Variants in ELOVL7 observed in about 807,000 individuals in gnomAD.
The protein encoded by ELOVL7 is very long chain fatty acid elongase 7.
A neutral mutation model predicts 35.7 loss-of-function variants in ELOVL7; 27 were observed. That is an observed-to-expected ratio of 0.76 (90% confidence interval 0.56 to 1.04). The LOEUF is 1.04. Ranked by LOEUF, ELOVL7 falls within the 50% of genes least tolerant of loss-of-function variation. The pLI is 0.00. For missense variants in ELOVL7, 327 were observed against 340.8 expected (o/e 0.96, Z 0.32); for synonymous variants, 113 against 114.6 (o/e 0.99, Z 0.09).
chr5:60,839,044 A>T (rs189373759), intron 1 of ELOVL7, among the ~76,000 whole-genome samples: 2,002 of 150,656 alleles, frequency 0.013, 20 homozygotes, highest in Non-Finnish European at 0.022. Flanking sequence ...ATATATATAT[A>T]TATTTATGAT....
intron 3 of ELOVL7, among the ~76,000 whole-genome samples, chr5:60,774,275 G>A (rs529723364): frequency 1.7e-4 from 26 of 152,116 alleles, no homozygotes; most frequent in African/African-American, 6.0e-4. Context: ...GTGAATCCAG[G>A]AACACATCAA....
intron 8 of ELOVL7, among the ~76,000 whole-genome samples, chr5:60,757,098 A>AAATGTTG (rs2112119860): frequency 6.6e-6 from 1 of 152,160 alleles, no homozygotes; most frequent in South Asian, 2.1e-4. Context: ...ATGGACTTAT[A>AAATGTTG]AATGTTGGGA....
intron 1 of ELOVL7, among the ~76,000 whole-genome samples, chr5:60,829,168 C>CA (rs35061839): frequency 0.2 from 30,088 of 149,858 alleles, 3,506 homozygotes; most frequent in Non-Finnish European, 0.27. Flanking sequence ...TTAGAGCTTT[C>CA]AAAAAAAAAG....
At chr5:60,760,100 C>T (rs951448654) in intron 7 of ELOVL7, among the ~76,000 whole-genome samples, 18 of 152,292 alleles carry the variant, frequency 1.2e-4, no homozygotes, top group African/African-American at 2.9e-4. Context: ...AATAAACATA[C>T]GTGTGCATGT....
chr5:60,813,541 C>T (rs1251644947), intron 1 of ELOVL7, among the ~76,000 whole-genome samples: 2 of 152,074 alleles, frequency 1.3e-5, no homozygotes, highest in African/African-American at 4.8e-5. Context: ...TACTGCCCTC[C>T]AATGTAAAAA....
intron 1 of ELOVL7, among the ~76,000 whole-genome samples, chr5:60,824,640 T>A (rs1746068742): frequency 6.6e-6 from 1 of 152,222 alleles, no homozygotes; most frequent in South Asian, 2.1e-4. Flanking sequence ...CATGAACAAA[T>A]CCTATCTTCT....
intron 6 of ELOVL7, among the ~76,000 whole-genome samples, chr5:60,765,792 C>G (rs1261122912): frequency 1.3e-5 from 2 of 152,158 alleles, no homozygotes; most frequent in Non-Finnish European, 2.9e-5. Context: ...AAAGGTGAAG[C>G]ATATTGAGAT....
chr5:60,792,405 G>A (rs1743993176), intron 2 of ELOVL7, among the ~76,000 whole-genome samples: 1 of 152,190 alleles, frequency 6.6e-6, no homozygotes, highest in African/African-American at 2.4e-5. Context: ...GAGAGTGATG[G>A]ACTGGATGCC....
At chr5:60,767,195 A>G (rs1422705970) in intron 5 of ELOVL7, among the ~76,000 whole-genome samples, 1 of 152,060 alleles carries the variant, frequency 6.6e-6, no homozygotes, top group Non-Finnish European at 1.5e-5. Flanking sequence ...TCTGGGTTCA[A>G]GCGATTTTCC....
At chr5:60,760,676 G>A (rs1360226091) in intron 7 of ELOVL7, among the ~76,000 whole-genome samples, 1 of 152,112 alleles carries the variant, frequency 6.6e-6, no homozygotes, top group Non-Finnish European at 1.5e-5. Context: ...GGCTTTTGTT[G>A]CCATTGCTTT....
chr5:60,832,717 A>C (rs544121726), intron 1 of ELOVL7, among the ~76,000 whole-genome samples: 1 of 152,062 alleles, frequency 6.6e-6, no homozygotes, highest in African/African-American at 2.4e-5. Context: ...CTAACTCTCC[A>C]TTAACCTTCC....
At chr5:60,824,250 G>C (rs1579924060) in intron 1 of ELOVL7, among the ~76,000 whole-genome samples, 1 of 152,304 alleles carries the variant, frequency 6.6e-6, no homozygotes, top group Middle Eastern at 3.4e-3. Context: ...GAGCTGAACA[G>C]CCAGAGACCT....
intron 7 of ELOVL7, among the ~76,000 whole-genome samples, chr5:60,758,070 A>C (rs191868895): frequency 6.6e-6 from 1 of 152,194 alleles, no homozygotes; most frequent in South Asian, 2.1e-4. Flanking sequence ...ACCAAGATCA[A>C]GATACAGAAC....
chr5:60,816,640 T>A (rs887367595), intron 1 of ELOVL7, among the ~76,000 whole-genome samples: 6 of 152,236 alleles, frequency 3.9e-5, no homozygotes, highest in Non-Finnish European at 8.8e-5. Context: ...TGGAAAAATG[T>A]ACAATGATAA....
Position 60,753,776 on chromosome 5 carries a change from A to C in ELOVL7, c.*848T>G, listed in dbSNP as rs772783179. On this transcript the variant is annotated 3_prime_UTR_variant, in exon 9 of 9. Coordinates refer to ENST00000508821, the MANE Select transcript of ELOVL7 (RefSeq NM_024930.3). ...AAAGTGATGTGATACTATAACAGAC[A>C]ACAGGTTTTTCCCACTGAACTACAC... 1 of 152,242 alleles carries C rather than the reference A, an allele frequency of 6.6e-6. No homozygotes were observed. Among genetic ancestry groups the C allele is most frequent in the Non-Finnish European group, 1.5e-5 (1 of 68,040 alleles). The allele number at this position is 152,242 out of a possible 1,614,324, so 9.4% of individuals were successfully genotyped here.
chr5:60,761,869 A>T (rs113069507), intron 7 of ELOVL7, among the ~76,000 whole-genome samples: 5 of 152,110 alleles, frequency 3.3e-5, no homozygotes, highest in African/African-American at 7.2e-5. Context: ...CTCAGCTATA[A>T]AGAAGAGGGC....
At chr5:60,843,787 C>A (rs1463878661) in intron 1 of ELOVL7, among the ~76,000 whole-genome samples, 2 of 151,842 alleles carry the variant, frequency 1.3e-5, no homozygotes, top group African/African-American at 4.8e-5. Flanking sequence ...CGCGCGGGAC[C>A]CCAGTCCAGG....
intron 2 of ELOVL7, among the ~76,000 whole-genome samples, chr5:60,796,574 C>T (rs532769467): frequency 2.0e-5 from 3 of 152,186 alleles, no homozygotes; most frequent in Non-Finnish European, 4.4e-5. Context: ...AACTATTGTT[C>T]TAAAGGAAGC....
Position 60,766,577 on chromosome 5 carries a change from A to C in ELOVL7, c.390T>G (p.Asp130Glu). The C allele has an allele frequency of 6.2e-7, 1 of 1,612,250 alleles. No homozygotes were observed. Among genetic ancestry groups the C allele is most frequent in the East Asian group, 2.2e-5 (1 of 44,830 alleles). ...YYFSKFIELL[D>E]TIFFVLRKKN... ...AATGTGGTGGCCATATACTCACCGT[A>C]TCTAATAGCTCAATAAATTTGGAGA... Residue 130 changes from aspartate (D) to glutamate (E), a missense_variant, in exon 6 of 9, where the codon GAT becomes GAG. Physicochemically the swap from Asp to Glu is conservative, Grantham distance 45. Coordinates refer to ENST00000508821, the MANE Select transcript of ELOVL7 (RefSeq NM_024930.3).
Sources: allele counts gnomAD v4.1 joint callset (sites outside exome capture counted in the v4.1 genomes callset), GRCh38; gene constraint gnomAD v4.1.1; transcripts MANE v1.5; gene names NCBI Gene and HGNC (gene_info 2026-07-23, HGNC 2026-07-21).